FADS6: variants seen among roughly 807,000 people sequenced by gnomAD.
FADS6 encodes the protein fatty acid desaturase domain family, member 6.
Under a neutral mutation model 31.7 loss-of-function variants are expected in FADS6, and 28 were observed. The ratio of observed to expected loss-of-function variants is 0.88; its 90% CI spans 0.66 to 1.21. FADS6 has a LOEUF of 1.21. Ranked by LOEUF, FADS6 falls within the 50% of genes most tolerant of loss-of-function variation. FADS6 has a pLI of 0.00. For synonymous variants in FADS6, 191 were observed against 213.1 expected, an observed-to-expected ratio of 0.90 and a Z score of 0.90; for missense variants, 494 against 504.2, an observed-to-expected ratio of 0.98 and a Z score of 0.19.
Position 74,879,540 on chromosome 17 carries a change from C to A in FADS6, c.824G>T (p.Arg275Leu), listed in dbSNP as rs199975806. Residue 275 changes from arginine (R) to leucine (L), a missense_variant, in exon 5 of 6, where the codon CGG becomes CTG. Arg to Leu is a moderately radical substitution (Grantham distance 102, BLOSUM62 -2). Coordinates refer to ENST00000612771, the MANE Select transcript of FADS6 (RefSeq NM_178128.6). ...CACCCCCAGGCTCATCATGTGAATC[C>A]GACGGGGCTTGTTGTCCCGGGAGAA... ...PMFSRDNKPR[R>L]IHMMSLGVLN... is the part of the protein sequence containing the mutation. The A allele has an allele frequency of 1.1e-4, 183 of 1,613,446 alleles. 1 individual carries two copies. In the African/African-American group the frequency reaches 2.3e-3, roughly 21 times the overall value.
chr17:74,890,118 C>T (rs1219354590), intron 2 of FADS6, among the ~76,000 whole-genome samples: 1 of 152,182 alleles, frequency 6.6e-6, no homozygotes, highest in Non-Finnish European at 1.5e-5. Flanking sequence ...AAGTAACTTG[C>T]TCAAGGTCAG....
At chr17:74,889,020 G>C (rs911343605) in intron 2 of FADS6, among the ~76,000 whole-genome samples, 34 of 152,214 alleles carry the variant, frequency 2.2e-4, no homozygotes, top group Non-Finnish European at 3.5e-4. Context: ...TAGGCTACCA[G>C]GAGGGATAGA....
At chr17:74,879,723 C>A in intron 4 of FADS6, 140 bp from the exon 5 acceptor site, 1 of 839,494 alleles carries the variant, frequency 1.2e-6, no homozygotes, top group South Asian at 1.8e-5. Flanking sequence ...GGCTCCTGGC[C>A]CAGCTCCGAT....
chr17:74,880,980 C>T, intron 4 of FADS6, 88 bp downstream of exon 4: 2 of 1,377,004 alleles, frequency 1.5e-6, no homozygotes, highest in Non-Finnish European at 2.0e-6. Context: ...TGGCCCCTCT[C>T]TCCTCAACCT....
At chr17:74,883,006 T>C in intron 2 of FADS6, 1 of 567,454 alleles carries the variant, frequency 1.8e-6, no homozygotes, top group Non-Finnish European at 3.0e-6. Flanking sequence ...AGGCAATGAG[T>C]CTCAGAGTCT....
At chr17:74,889,937 A>T (rs2038670691) in intron 2 of FADS6, among the ~76,000 whole-genome samples, 1 of 151,260 alleles carries the variant, frequency 6.6e-6, no homozygotes, top group African/African-American at 2.4e-5. Context: ...GCAGCTGACC[A>T]CATTAACTCC....
chr17:74,888,670 C>A (rs1358699348), intron 2 of FADS6, among the ~76,000 whole-genome samples: 1 of 152,214 alleles, frequency 6.6e-6, no homozygotes, highest in African/African-American at 2.4e-5. Context: ...CAGCACAAAG[C>A]CGACTTCACA....
In FADS6 at chr17:74,893,462, A is replaced by G. The variant is rs1443948605; in HGVS notation, c.134T>C (p.Leu45Pro). 1.9e-6 allele frequency: 3 copies of G among 1,592,504 alleles called. No homozygotes were observed. In the South Asian group the frequency reaches 3.4e-5, roughly 18 times the overall value. The change falls in exon 1 of 6, where the codon CTG becomes CCG. Residue 45 changes from leucine (L) to proline (P), a missense_variant. By Grantham distance (98) the Leu-to-Pro change is moderately conservative (BLOSUM62 -3). Around this residue, in one of 2 missense-constraint regions of FADS6, gnomAD observed 454 missense variants for 438.5 expected, o/e 1.04. Coordinates refer to ENST00000612771, the MANE Select transcript of FADS6 (RefSeq NM_178128.6). ...CTGCACCAGCACCTCCAGCTCCCGC[A>G]GCAGCGCCTCGCCCCCACGGTGCGC... The part of the protein sequence containing the change: ...RSAHRGGEAL[L>P]RELEVLVQDV...
In FADS6 at chr17:74,877,787, C is replaced by T. The variant is rs2038521548; in HGVS notation, c.*544G>A. On this transcript the variant is annotated 3_prime_UTR_variant, in exon 6 of 6. Transcript: ENST00000612771. ...CAGTGTCTTGCACAGGTTCCTTTGG[C>T]TGAGGATCGAGGAAGGCCTGCCAAA... 1 of 985,990 alleles carries T rather than the reference C, an allele frequency of 1.0e-6. No homozygotes were observed. Among genetic ancestry groups the T allele is most frequent in the Non-Finnish European group, 1.2e-6 (1 of 830,368 alleles). The allele number at this position is 985,990 out of a possible 1,614,324, so 61.1% of individuals were successfully genotyped here. A position where few individuals can be genotyped will look rare whatever the true frequency, so the allele number is the denominator to read the frequency against.
chr17:74,881,731 T>C (rs1464540537), intron 3 of FADS6, among the ~76,000 whole-genome samples: 1 of 91,384 alleles, frequency 1.1e-5, no homozygotes, highest in African/African-American at 3.4e-5. Context: ...AGCAAGACTC[T>C]GAAAAAAAAA....
At position 74,892,658 on chromosome 17, in the gene FADS6, C is replaced by T. The variant is rs537236423; in HGVS notation, c.276G>A (p.Leu92=). The stretch of plus-strand genomic sequence containing the variant: ...AGATGGTGATGCCGGATGCAAAGAC[C>T]AGGGCATTCTCCCAGCGCAGGCACA... ...GFLCLRWENA[L]VFASGITILG... The change falls in exon 2 of 6, where the codon CTG becomes CTA. Residue 92 remains leucine, a synonymous_variant. Coordinates refer to ENST00000612771, the MANE Select transcript of FADS6 (RefSeq NM_178128.6). 3.1e-6 allele frequency: 5 copies of T among 1,613,060 alleles called. No individual in the cohort carries two copies. Among genetic ancestry groups the T allele is most frequent in the Non-Finnish European group, 4.2e-6 (5 of 1,179,600 alleles).
intron 2 of FADS6, among the ~76,000 whole-genome samples, chr17:74,885,660 A>G (rs954685557): frequency 6.6e-5 from 10 of 151,514 alleles, no homozygotes; most frequent in African/African-American, 2.4e-4. Flanking sequence ...CACCCAGACA[A>G]CCACCACCTA....
In FADS6 at chr17:74,893,503, CATGGG is replaced by C; in HGVS notation, c.88_92del (p.Pro30GlyfsTer254). On this transcript the variant is annotated frameshift_variant, in exon 1 of 6. Transcript: ENST00000612771. LOFTEE classifies it high-confidence loss of function. ...CACGGTGCGCGCTCCGCGCCGGTTC[CATGGG>C]CTCCGTAGGTTCCATGGGCTCCGTA... 6.4e-7 allele frequency: 1 copy of C among 1,571,084 alleles called. No homozygotes were observed. Among genetic ancestry groups the C allele is most frequent in the Non-Finnish European group, 8.6e-7 (1 of 1,158,788 alleles).
At chr17:74,888,142 A>ACGCGCG (rs767299409) in intron 2 of FADS6, among the ~76,000 whole-genome samples, 1 of 109,752 alleles carries the variant, frequency 9.1e-6, no homozygotes, top group Non-Finnish European at 1.7e-5. Flanking sequence ...ACACACACAC[A>ACGCGCG]CACACACACA....
rs1466315765 is a variant in FADS6 at position 74,881,075 on chromosome 17, A to C, written c.773T>G (p.Ile258Ser). ...LLAHPYLHVN[I>S]FQHIGLPMFS... Reference sequence around the variant, plus strand: ...AGGTTGGGGTGGCCTCACCTGGAAGATGTTGACGTGGAGGTAGGGGTGGGC... The same window carrying C: ...AGGTTGGGGTGGCCTCACCTGGAAGCTGTTGACGTGGAGGTAGGGGTGGGC... Residue 258 changes from isoleucine (I) to serine (S), a missense_variant, in exon 4 of 6, where the codon ATC becomes AGC. Ile to Ser is a moderately radical substitution (Grantham distance 142). Coordinates refer to ENST00000612771, the MANE Select transcript of FADS6 (RefSeq NM_178128.6). 1 of 1,612,788 alleles carries C rather than the reference A, an allele frequency of 6.2e-7. No homozygotes were observed. The highest frequency in any genetic ancestry group is 1.7e-5 in the Admixed American group (1 of 59,828).
At chr17:74,875,822 G>A (rs903606874), downstream of FADS6, among the ~76,000 whole-genome samples, 21 of 152,204 alleles carry the variant, frequency 1.4e-4, no homozygotes, top group African/African-American at 4.6e-4. Flanking sequence ...TGCCAAGAGG[G>A]CTGCCTGGAT....
At chr17:74,874,942 G>A (rs2038497586), downstream of FADS6, among the ~76,000 whole-genome samples, 1 of 152,140 alleles carries the variant, frequency 6.6e-6, no homozygotes, top group Non-Finnish European at 1.5e-5. Flanking sequence ...GTCCTTTACA[G>A]AGTTTGACCA....
At chr17:74,883,031 C>G in intron 2 of FADS6, 1 of 502,148 alleles carries the variant, frequency 2.0e-6, no homozygotes, top group Non-Finnish European at 3.6e-6. Context: ...TGATTGGAGG[C>G]ACTGCAGGTG....
intron 2 of FADS6, among the ~76,000 whole-genome samples, chr17:74,886,989 G>A (rs1179372098): frequency 6.6e-6 from 1 of 151,528 alleles, no homozygotes; most frequent in Non-Finnish European, 1.5e-5. Context: ...TGCACTGTAC[G>A]ACATTTAGCA....
Sources: allele counts gnomAD v4.1 joint callset (sites outside exome capture counted in the v4.1 genomes callset), GRCh38; gene constraint gnomAD v4.1.1; regional missense constraint gnomAD v4.1.1; transcripts MANE v1.5; gene names NCBI Gene and HGNC (gene_info 2026-07-23, HGNC 2026-07-21).